The following PDCD6IP variants were observed in gnomAD, a reference collection of about 807,000 sequenced individuals.
PDCD6IP encodes the protein programmed cell death 6-interacting protein.
Under a neutral mutation model 103.7 loss-of-function variants are expected in PDCD6IP, and 43 were observed. The observed-to-expected ratio is 0.41, with a 90% CI of 0.32 to 0.53. The LOEUF is 0.53. Among genes scored for constraint, PDCD6IP ranks in the 20% least tolerant of loss-of-function variants. PDCD6IP has a pLI of 0.16. For missense variants in PDCD6IP, 871 were observed against 1,036.7 expected, an observed-to-expected ratio of 0.84 and a Z score of 2.20; for synonymous variants, 354 against 378.7, an observed-to-expected ratio of 0.93 and a Z score of 0.76.
rs1268952628 is a variant in PDCD6IP at position 33,869,595 on chromosome 3, G to A, written c.*3070G>A. 6.6e-6 allele frequency: 1 copy of A among 152,124 alleles called. No homozygotes were observed. The highest frequency in any genetic ancestry group is 1.9e-4 in the East Asian group (1 of 5,202). The allele number at this position is 152,124 out of a possible 1,614,324, so 9.4% of individuals were successfully genotyped here. A position where few individuals can be genotyped will look rare whatever the true frequency, so the allele number is the denominator to read the frequency against. ...TCTTTTCTGGTTAGAAACATTGCTG[G>A]TAGTTGGATTATATTTTTATTGTAT... is the stretch of plus-strand genomic sequence containing the variant. On this transcript the variant is annotated 3_prime_UTR_variant, in exon 18 of 18. Coordinates refer to ENST00000307296, the MANE Select transcript of PDCD6IP (RefSeq NM_013374.6).
Position 33,844,047 on chromosome 3 carries a change from T to C in PDCD6IP, c.1360-65T>C, listed in dbSNP as rs183113148. On this transcript the variant is annotated intron_variant, in intron 10 of 17. Coordinates refer to ENST00000307296, the MANE Select transcript of PDCD6IP (RefSeq NM_013374.6). ...CACTTATATTGTGTATGAACATTTA[T>C]TAAATGTATTAAAGTTTTTATACCA... 93 of 939,558 alleles carry C rather than the reference T, an allele frequency of 9.9e-5. No individual in the cohort carries two copies. In the African/African-American group the frequency reaches 1.3e-3, roughly 14 times the overall value. The allele number at this position is 939,558 out of a possible 1,614,324, so 58.2% of individuals were successfully genotyped here. A position where few individuals can be genotyped will look rare whatever the true frequency, so the allele number is the denominator to read the frequency against.
intron 9 of PDCD6IP, among the ~76,000 whole-genome samples, chr3:33,839,490 C>T (rs114036013): frequency 1.3e-5 from 1 of 76,720 alleles, no homozygotes; most frequent in Non-Finnish European, 2.7e-5. Context: ...TATGGTTATA[C>T]GGCAGTATTC....
intron 6 of PDCD6IP, chr3:33,827,126 A>G: frequency 2.0e-6 from 2 of 985,396 alleles, no homozygotes; most frequent in Non-Finnish European, 1.2e-6. Flanking sequence ...TAAACCACAT[A>G]TCACAGGAAG....
chr3:33,837,150 C>T (rs1033542565), intron 8 of PDCD6IP, among the ~76,000 whole-genome samples: 1 of 152,088 alleles, frequency 6.6e-6, no homozygotes, highest in African/African-American at 2.4e-5. Context: ...GAACTCCCGA[C>T]TTCAGGTGAT....
intron 2 of PDCD6IP, among the ~76,000 whole-genome samples, chr3:33,812,889 A>G (rs540525625): frequency 1.3e-5 from 2 of 152,208 alleles, no homozygotes; most frequent in South Asian, 2.1e-4. Context: ...GTTTTTCTGT[A>G]TGTTTGAAAA....
intron 7 of PDCD6IP, among the ~76,000 whole-genome samples, chr3:33,833,639 G>T (rs1336408136): frequency 6.6e-6 from 1 of 152,040 alleles, no homozygotes; most frequent in Non-Finnish European, 1.5e-5. Context: ...CTGTCATTGT[G>T]TTCTTAAGTG....
In PDCD6IP at chr3:33,866,464, C is replaced by T; in HGVS notation, c.2546C>T (p.Pro849Leu). The change falls in exon 18 of 18, where the codon CCC (proline) becomes CTC (leucine). Residue 849 changes from proline (P) to leucine (L), a missense_variant. By Grantham distance (98) the Pro-to-Leu change is moderately conservative (BLOSUM62 -3). Around this residue, in one of 5 missense-constraint regions of PDCD6IP, gnomAD observed 202 missense variants for 205.2 expected, o/e 0.98. Coordinates refer to ENST00000307296, the MANE Select transcript of PDCD6IP (RefSeq NM_013374.6). ...CCTGGACAGGCTCCATACCCGGGAC[C>T]CCAGCAGCCTTCATACCCCTTCCCT... ...QSPGQAPYPG[P>L]QQPSYPFPQP... The T allele has an allele frequency of 1.2e-6, 2 of 1,612,178 alleles. No homozygotes were observed. The highest frequency in any genetic ancestry group is 8.5e-7 in the Non-Finnish European group (1 of 1,179,340).
intron 1 of PDCD6IP, among the ~76,000 whole-genome samples, chr3:33,806,883 C>G (rs1696610791): frequency 6.6e-6 from 1 of 152,228 alleles, no homozygotes; most frequent in Non-Finnish European, 1.5e-5. Flanking sequence ...TTAGCAATGG[C>G]TGCTTTCTTT....
rs1384037186 is a variant in PDCD6IP, at chr3:33,798,896, T to C, written c.168T>C (p.Arg56=). 7.1e-6 allele frequency: 11 copies of C among 1,546,900 alleles called. No homozygotes were observed. The highest frequency in any genetic ancestry group is 9.6e-6 in the Non-Finnish European group (11 of 1,144,436). ...AGCTGCGCCGCGCCGCAGTCGGTCG[T>C]CCGCTGGACAAGCACGAGGGCGCGC... ...LSKLRRAAVG[R]PLDKHEGALE... Residue 56 remains arginine (R), a synonymous_variant, in exon 1 of 18, where the codon CGT becomes CGC. Coordinates refer to ENST00000307296, the MANE Select transcript of PDCD6IP (RefSeq NM_013374.6).
At chr3:33,843,714 A>G (rs1337029863) in intron 10 of PDCD6IP, among the ~76,000 whole-genome samples, 1 of 152,122 alleles carries the variant, frequency 6.6e-6, no homozygotes, top group Non-Finnish European at 1.5e-5. Flanking sequence ...TATATTAAAC[A>G]TAATTTTCTG....
intron 3 of PDCD6IP, among the ~76,000 whole-genome samples, chr3:33,814,605 TTA>T (rs1696795268): frequency 1.4e-5 from 2 of 144,786 alleles, no homozygotes; most frequent in African/African-American, 2.5e-5. Context: ...TATATATGTA[TTA>T]TATATGCACA....
In PDCD6IP at chr3:33,798,750, C is replaced by T; in HGVS notation, c.22C>T (p.Gln8Ter). The T allele has an allele frequency of 6.4e-7, 1 of 1,570,092 alleles. No individual in the cohort carries two copies. Among genetic ancestry groups the T allele is most frequent in the Non-Finnish European group, 8.6e-7 (1 of 1,158,184 alleles). The change falls in exon 1 of 18, where the codon CAG (glutamine) becomes TAG (stop). Residue 8 changes from glutamine to a stop codon, truncating the protein, a stop_gained. Coordinates refer to ENST00000307296, the MANE Select transcript of PDCD6IP (RefSeq NM_013374.6). LOFTEE classifies it high-confidence loss of function. MATFISV[Q>*]LKKTSEVDLA... ...GATCATGGCGACATTCATCTCGGTGCAGCTGAAAAAGACCTCAGAGGTGGA... is the reference window on the plus strand; with the variant it reads ...GATCATGGCGACATTCATCTCGGTGTAGCTGAAAAAGACCTCAGAGGTGGA...
chr3:33,808,406 CCCTTTGG>C, intron 1 of PDCD6IP, among the ~76,000 whole-genome samples: 1 of 152,236 alleles, frequency 6.6e-6, no homozygotes, highest in Non-Finnish European at 1.5e-5. Flanking sequence ...GCTGCATAGT[CCCTTTGG>C]GGGACTGTAG....
At chr3:33,840,651 T>C (rs972037030) in intron 9 of PDCD6IP, among the ~76,000 whole-genome samples, 1 of 152,058 alleles carries the variant, frequency 6.6e-6, no homozygotes, top group Admixed American at 6.6e-5. Flanking sequence ...CGTTACATAG[T>C]AGATAGGGAT....
At chr3:33,827,654 A>G (rs1411060091) in intron 6 of PDCD6IP, 1 of 152,030 alleles carries the variant, frequency 6.6e-6, no homozygotes, top group Non-Finnish European at 1.5e-5. Context: ...GTTCCGTTAC[A>G]TCCTGTTGGG....
At chr3:33,848,466 G>T (rs1296400586) in intron 12 of PDCD6IP, among the ~76,000 whole-genome samples, 1 of 151,218 alleles carries the variant, frequency 6.6e-6, no homozygotes, top group African/African-American at 2.4e-5. Flanking sequence ...GAGCAGTGGC[G>T]CAATCTTGGC....
intron 9 of PDCD6IP, among the ~76,000 whole-genome samples, chr3:33,839,319 A>T (rs1697419673): frequency 6.6e-6 from 1 of 152,214 alleles, no homozygotes; most frequent in South Asian, 2.1e-4. Flanking sequence ...GCATATGCAT[A>T]TACAGTACTT....
intron 15 of PDCD6IP, among the ~76,000 whole-genome samples, chr3:33,863,363 A>G (rs1487881623): frequency 6.6e-6 from 1 of 152,200 alleles, no homozygotes; most frequent in African/African-American, 2.4e-5. Flanking sequence ...GCTATTAAAC[A>G]CTAGAACTTA....
intron 1 of PDCD6IP, among the ~76,000 whole-genome samples, chr3:33,808,631 A>G (rs1049162755): frequency 5.3e-5 from 8 of 152,188 alleles, no homozygotes; most frequent in Non-Finnish European, 1.2e-4. Flanking sequence ...GATCCGTGCT[A>G]GCATCATCTC....
Sources: allele counts gnomAD v4.1 joint callset (sites outside exome capture counted in the v4.1 genomes callset), GRCh38; gene constraint gnomAD v4.1.1; regional missense constraint gnomAD v4.1.1; transcripts MANE v1.5; gene names NCBI Gene and HGNC (gene_info 2026-07-23, HGNC 2026-07-21).